PFDN1: variants seen among roughly 807,000 people sequenced by gnomAD.
PFDN1 encodes the protein prefoldin subunit 1.
PFDN1 carries 6 observed loss-of-function variants against 17.3 expected under a neutral mutation model. That is an observed-to-expected ratio of 0.35 (90% CI 0.19 to 0.69). PFDN1 has a LOEUF of 0.69. PFDN1 is among the 30% of genes least tolerant of loss of function. PFDN1 has a pLI of 0.65. For missense variants in PFDN1, 113 were observed against 146.2 expected, an observed-to-expected ratio of 0.77 and a Z score of 1.17; for synonymous variants, 58 against 50.1, an observed-to-expected ratio of 1.16 and a Z score of -0.67.
intron 3 of PFDN1, among the ~76,000 whole-genome samples, chr5:140,261,161 C>CAAAAAA (rs773165928): frequency 6.3e-5 from 3 of 47,998 alleles, no homozygotes; most frequent in Non-Finnish European, 4.1e-5. Context: ...GACTCCATCT[C>CAAAAAA]AAAAAAAAAA....
chr5:140,247,125 A>T (rs1282874639), intron 3 of PFDN1, among the ~76,000 whole-genome samples: 1 of 152,146 alleles, frequency 6.6e-6, no homozygotes, highest in Non-Finnish European at 1.5e-5. Context: ...TCTCTGTCCA[A>T]TTAATTAGTT....
At chr5:140,285,768 C>G (rs1765477925) in intron 2 of PFDN1, among the ~76,000 whole-genome samples, 1 of 152,066 alleles carries the variant, frequency 6.6e-6, no homozygotes, top group South Asian at 2.1e-4. Flanking sequence ...TGGCTTTCAT[C>G]CTGAGAGTTT....
rs143995408 is a variant in PFDN1, at chr5:140,299,379, C to T, written c.200+1037G>A. ...CAGCACTGTGGGAGGCCAAGGCGGG[C>T]GGATCAAGAGGAGAGATTGAGACCA... On this transcript the variant is annotated intron_variant, in intron 2 of 3. Coordinates refer to ENST00000261813, the MANE Select transcript of PFDN1 (RefSeq NM_002622.5). Among the ~76,000 whole-genome samples, 956 of 152,142 alleles carry T rather than the reference C, an allele frequency of 6.3e-3. 6 individuals carry two copies. The highest frequency in any genetic ancestry group is 0.021 in the African/African-American group (886 of 41,498).
chr5:140,253,430 ATTC>A (rs1218962907), intron 3 of PFDN1, among the ~76,000 whole-genome samples: 3 of 152,266 alleles, frequency 2.0e-5, no homozygotes, highest in East Asian at 1.9e-4. Context: ...AGGGGAAAAA[ATTC>A]TTCTTCAAAC....
At chr5:140,264,721 T>A (rs1375932400) in intron 3 of PFDN1, among the ~76,000 whole-genome samples, 2 of 151,664 alleles carry the variant, frequency 1.3e-5, no homozygotes, top group Admixed American at 1.3e-4. Context: ...AGCCTGTGCC[T>A]ATAGTCTCAG....
intron 2 of PFDN1, among the ~76,000 whole-genome samples, chr5:140,286,948 A>G (rs1765504695): frequency 6.6e-6 from 1 of 152,174 alleles, no homozygotes; most frequent in African/African-American, 2.4e-5. Flanking sequence ...AAGTACAAAA[A>G]TAAGACCTAG....
At chr5:140,276,809 TGA>T (rs1765302160) in intron 3 of PFDN1, among the ~76,000 whole-genome samples, 1 of 119,056 alleles carries the variant, frequency 8.4e-6, no homozygotes, top group African/African-American at 3.4e-5. Flanking sequence ...AAAAAAAGAC[TGA>T]GAGTATTTTT....
At chr5:140,281,427 C>T in intron 3 of PFDN1, 22 bp downstream of exon 3, 1 of 1,045,422 alleles carries the variant, frequency 9.6e-7, no homozygotes, top group Non-Finnish European at 1.5e-6. Context: ...AAAGTTAACT[C>T]CTATTGCCAA....
At chr5:140,252,604 G>A (rs994591594) in intron 3 of PFDN1, among the ~76,000 whole-genome samples, 4 of 152,128 alleles carry the variant, frequency 2.6e-5, no homozygotes, top group Non-Finnish European at 4.4e-5. Context: ...ACTAATTCTC[G>A]TGTTCGCTCA....
rs550368161 is a variant in PFDN1, at chr5:140,267,308, C to T, written c.285+14141G>A. ...ACACTAACTCCCCCACTTCTAACCA[C>T]CACACTCACTCTCCCTCTCTTAAAA... On this transcript the variant is annotated intron_variant, in intron 3 of 3. Transcript: ENST00000261813. Among the ~76,000 whole-genome samples, 27 of 152,350 alleles carry T rather than the reference C, an allele frequency of 1.8e-4. No individual in the cohort carries two copies. The South Asian group carries it at 5.2e-3, about 29-fold the overall frequency.
At chr5:140,272,438 G>A (rs1765220456) in intron 3 of PFDN1, among the ~76,000 whole-genome samples, 1 of 146,870 alleles carries the variant, frequency 6.8e-6, no homozygotes, top group African/African-American at 2.5e-5. Flanking sequence ...TCGGCTCACT[G>A]CAACCTCCAC....
chr5:140,252,260 T>C (rs968929252), intron 3 of PFDN1, among the ~76,000 whole-genome samples: 3 of 152,220 alleles, frequency 2.0e-5, no homozygotes, highest in Non-Finnish European at 4.4e-5. Flanking sequence ...TACGGATATG[T>C]ACTTTTATCT....
chr5:140,275,134 C>T (rs1029620480), intron 3 of PFDN1, among the ~76,000 whole-genome samples: 17 of 152,098 alleles, frequency 1.1e-4, no homozygotes, highest in African/African-American at 2.4e-4. Flanking sequence ...TTGTGCCAGG[C>T]GCGGTGGCTC....
intron 3 of PFDN1, among the ~76,000 whole-genome samples, chr5:140,252,613 CA>C (rs1764929753): frequency 6.6e-6 from 1 of 152,196 alleles, no homozygotes. Context: ...CGTGTTCGCT[CA>C]CTGGCAGATC....
chr5:140,262,206 G>A (rs1765075097), intron 3 of PFDN1, among the ~76,000 whole-genome samples: 1 of 152,150 alleles, frequency 6.6e-6, no homozygotes, highest in Non-Finnish European at 1.5e-5. Flanking sequence ...TTTACTCAGA[G>A]CTGGTATTCG....
intron 2 of PFDN1, among the ~76,000 whole-genome samples, chr5:140,282,400 C>T (rs1034066137): frequency 1.6e-5 from 2 of 128,610 alleles, no homozygotes; most frequent in African/African-American, 6.9e-5. Context: ...TGGAGCGCCC[C>T]TCCATTTTTT....
intron 1 of PFDN1, 113 bp from the exon 2 acceptor site, chr5:140,300,695 T>A (rs907534377): frequency 1.5e-6 from 1 of 655,664 alleles, no homozygotes; most frequent in African/African-American, 1.8e-5. Context: ...GCTGTGAAAT[T>A]TACCAAACAT....
At chr5:140,275,515 A>G (rs1210816784) in intron 3 of PFDN1, among the ~76,000 whole-genome samples, 1 of 152,174 alleles carries the variant, frequency 6.6e-6, no homozygotes, top group African/African-American at 2.4e-5. Flanking sequence ...CCTGCCTATA[A>G]GAGACAAGGG....
In PFDN1 at chr5:140,246,045, A is replaced by G. The variant is rs1261977566; in HGVS notation, c.298T>C (p.Tyr100His). Residue 100 changes from tyrosine to histidine, a missense_variant, in exon 4 of 4, where the codon TAC becomes CAC. Physicochemically the swap from Tyr to His is moderately conservative, Grantham distance 83. Coordinates refer to ENST00000261813, the MANE Select transcript of PFDN1 (RefSeq NM_002622.5). ...GCTTCCTTAACGCTTCGCTCCAGGT[A>G]GGACTTTTTCTGCTGCAATATGAGA... ...KIKELEQKKS[Y>H]LERSVKEAED... 1.9e-6 allele frequency: 3 copies of G among 1,558,254 alleles called. No individual in the cohort carries two copies. The highest frequency in any genetic ancestry group is 2.6e-6 in the Non-Finnish European group (3 of 1,149,120).
Sources: gnomAD v4.1 joint callset for allele counts (sites outside exome capture counted in the v4.1 genomes callset) on GRCh38, gnomAD v4.1.1 for gene constraint, MANE v1.5 for transcripts, NCBI Gene and HGNC (gene_info 2026-07-23, HGNC 2026-07-21) for gene names.